Variants in CA10 observed in about 807,000 individuals in gnomAD.
The protein encoded by CA10 is carbonic anhydrase-related protein 10.
Under a neutral mutation model 44.2 loss-of-function variants are expected in CA10, and 14 were observed. That is an observed-to-expected ratio of 0.32 (90% CI 0.21 to 0.50). The LOEUF is 0.50. Ranked by LOEUF, CA10 falls within the 20% of genes least tolerant of loss-of-function variation. CA10 has a pLI of 0.99. For missense variants in CA10, 350 were observed against 409.7 expected, an observed-to-expected ratio of 0.85 and a Z score of 1.26; for synonymous variants, 159 against 141.6, an observed-to-expected ratio of 1.12 and a Z score of -0.87.
chr17:51,741,972 G>A (rs75325851), intron 4 of CA10, among the ~76,000 whole-genome samples: 120 of 152,292 alleles, frequency 7.9e-4, no homozygotes, highest in East Asian at 2.5e-3. Context: ...GCATGTGGTC[G>A]GTCAGTTTCT....
intron 3 of CA10, among the ~76,000 whole-genome samples, chr17:51,836,662 C>T (rs747193070): frequency 5.3e-5 from 8 of 151,998 alleles, no homozygotes; most frequent in African/African-American, 9.7e-5. Context: ...TGTGAAGTGC[C>T]GAGGCCAAGT....
chr17:51,930,694 A>G (rs565327237), intron 3 of CA10, among the ~76,000 whole-genome samples: 30 of 152,282 alleles, frequency 2.0e-4, no homozygotes, highest in Admixed American at 1.1e-3. Flanking sequence ...TCCCAGCATG[A>G]TAGGCAGGGG....
At position 51,740,623 on chromosome 17, in the gene CA10, T is replaced by A. The variant is rs145229578; in HGVS notation, c.465+7010A>T. Among the ~76,000 whole-genome samples, 292 of 152,296 alleles carry A rather than the reference T, an allele frequency of 1.9e-3. 1 individual carries two copies. The highest frequency in any genetic ancestry group is 6.7e-3 in the African/African-American group (279 of 41,554). ...AACCAAAGTCCATACAAAGTGCACA[T>A]AGAGAGGACCCACGTGGTCTGCAGC... On this transcript the variant is annotated intron_variant, in intron 4 of 8. Coordinates refer to ENST00000451037, the MANE Select transcript of CA10 (RefSeq NM_020178.5).
intron 2 of CA10, among the ~76,000 whole-genome samples, chr17:51,966,247 T>C (rs2057999771): frequency 6.6e-6 from 1 of 151,916 alleles, no homozygotes; most frequent in Non-Finnish European, 1.5e-5. Flanking sequence ...TACTCACAAA[T>C]TGGAAGGATC....
At chr17:51,977,022 G>A (rs550723407) in intron 2 of CA10, among the ~76,000 whole-genome samples, 4 of 151,988 alleles carry the variant, frequency 2.6e-5, no homozygotes, top group South Asian at 2.1e-4. Context: ...AATGGAAAGT[G>A]TGACCAACCC....
chr17:52,087,961 T>C (rs1988162619), intron 1 of CA10, among the ~76,000 whole-genome samples: 1 of 152,148 alleles, frequency 6.6e-6, no homozygotes, highest in Non-Finnish European at 1.5e-5. Flanking sequence ...CTGAAGGCCA[T>C]TATCCTTAGT....
At chr17:51,976,140 C>T (rs1190241943) in intron 2 of CA10, among the ~76,000 whole-genome samples, 2 of 152,122 alleles carry the variant, frequency 1.3e-5, no homozygotes, top group African/African-American at 4.8e-5. Context: ...ATTCATTTCA[C>T]AGAAAATCTC....
chr17:51,778,160 C>T (rs546779210), intron 3 of CA10, among the ~76,000 whole-genome samples: 56 of 152,310 alleles, frequency 3.7e-4, no homozygotes, highest in African/African-American at 1.3e-3. Flanking sequence ...AGTGCACTCT[C>T]ATTCTAAATA....
chr17:51,831,732 G>GCAGCAGC (rs1567854679), intron 3 of CA10, among the ~76,000 whole-genome samples: 22 of 145,942 alleles, frequency 1.5e-4, no homozygotes, highest in South Asian at 9.2e-4. Context: ...AGCAGCAGCA[G>GCAGCAGC]AAAAAGACCT....
chr17:51,673,271 C>T (rs1914493017), intron 4 of CA10, among the ~76,000 whole-genome samples: 1 of 152,176 alleles, frequency 6.6e-6, no homozygotes, highest in East Asian at 1.9e-4. Flanking sequence ...GGGATGGCCC[C>T]AGGCAATTCA....
chr17:51,679,449 G>C (rs1914756378), intron 4 of CA10, among the ~76,000 whole-genome samples: 1 of 151,910 alleles, frequency 6.6e-6, no homozygotes. Context: ...TTTTAGTAGA[G>C]ATGGGGTTTC....
intron 2 of CA10, among the ~76,000 whole-genome samples, chr17:51,970,775 C>A (rs1055699931): frequency 1.6e-4 from 25 of 152,152 alleles, no homozygotes; most frequent in African/African-American, 5.8e-4. Flanking sequence ...AGAGAAGTTT[C>A]ATTTGCTTTC....
chr17:51,748,494 T>C (rs940483514), intron 3 of CA10: 8 of 985,390 alleles, frequency 8.1e-6, no homozygotes, highest in Admixed American at 6.1e-5. Flanking sequence ...GGCATTCCTT[T>C]TCCTTCTTTT....
chr17:51,740,886 T>G (rs1166965438), intron 4 of CA10, among the ~76,000 whole-genome samples: 1 of 152,202 alleles, frequency 6.6e-6, no homozygotes, highest in Non-Finnish European at 1.5e-5. Flanking sequence ...GCTCACTCCT[T>G]CCACTCCTCA....
At chr17:51,911,296 G>A (rs1399304387) in intron 3 of CA10, among the ~76,000 whole-genome samples, 1 of 152,120 alleles carries the variant, frequency 6.6e-6, no homozygotes, top group African/African-American at 2.4e-5. Flanking sequence ...GATTTTTGTG[G>A]TGGATAGATA....
At chr17:51,937,279 A>T (rs1436112074) in intron 2 of CA10, among the ~76,000 whole-genome samples, 1 of 152,122 alleles carries the variant, frequency 6.6e-6, no homozygotes, top group African/African-American at 2.4e-5. Context: ...TTCCTCACCA[A>T]TCCTGATTTA....
chr17:51,822,006 A>G (rs1907820782), intron 3 of CA10, among the ~76,000 whole-genome samples: 3 of 152,180 alleles, frequency 2.0e-5, no homozygotes, highest in Non-Finnish European at 4.4e-5. Context: ...CTTCCAGCAC[A>G]CACTCACCTG....
At chr17:51,955,440 T>G (rs917182989) in intron 2 of CA10, among the ~76,000 whole-genome samples, 2 of 152,162 alleles carry the variant, frequency 1.3e-5, no homozygotes, top group African/African-American at 4.8e-5. Flanking sequence ...TCTGCTCCAC[T>G]TCTCCAGGTA....
chr17:51,759,522 G>A (rs991937434), intron 3 of CA10, among the ~76,000 whole-genome samples: 2 of 149,428 alleles, frequency 1.3e-5, no homozygotes, highest in African/African-American at 4.9e-5. Flanking sequence ...GATAATATAG[G>A]CATGATTGGA....
Sources: allele counts gnomAD v4.1 joint callset (sites outside exome capture counted in the v4.1 genomes callset), GRCh38; gene constraint gnomAD v4.1.1; transcripts MANE v1.5; gene names NCBI Gene and HGNC (gene_info 2026-07-23, HGNC 2026-07-21).